Variants in ULK4 observed in about 807,000 individuals in gnomAD.
ULK4 encodes inactive serine/threonine-protein kinase ULK4.
ULK4 carries 133 observed loss-of-function variants against 160.6 expected under a neutral mutation model. That is an observed-to-expected ratio of 0.83 (90% confidence interval 0.72 to 0.96). The LOEUF is 0.96. ULK4 is among the 40% of genes least tolerant of loss of function. The pLI, the probability that ULK4 is intolerant of heterozygous loss-of-function variation, is 0.00. For missense variants in ULK4, 1,580 were observed against 1,499.5 expected (o/e 1.05, Z -0.89); for synonymous variants, 534 against 539.8 (o/e 0.99, Z 0.15).
chr3:41,567,448 T>G (rs1443238280), intron 31 of ULK4, among the ~76,000 whole-genome samples: 2 of 138,858 alleles, frequency 1.4e-5, no homozygotes, highest in Non-Finnish European at 3.1e-5. Flanking sequence ...AACAGATTTT[T>G]TTTTTTTTTT....
At chr3:41,578,589 A>C (rs1273305216) in intron 31 of ULK4, among the ~76,000 whole-genome samples, 1 of 152,210 alleles carries the variant, frequency 6.6e-6, no homozygotes, top group Non-Finnish European at 1.5e-5. Flanking sequence ...TGAAATTAGA[A>C]GAAACTCTAG....
chr3:41,363,280 G>A (rs1311112616), intron 35 of ULK4, among the ~76,000 whole-genome samples: 1 of 152,236 alleles, frequency 6.6e-6, no homozygotes, highest in Non-Finnish European at 1.5e-5. Flanking sequence ...ACAGGGAAGG[G>A]TCAAGACTTT....
At chr3:41,694,529 C>T (rs1476088207) in intron 27 of ULK4, among the ~76,000 whole-genome samples, 2 of 152,112 alleles carry the variant, frequency 1.3e-5, no homozygotes, top group Non-Finnish European at 2.9e-5. Flanking sequence ...GATGAGAAGT[C>T]TAGGTTCACA....
intron 17 of ULK4, among the ~76,000 whole-genome samples, chr3:41,881,284 T>TAAAAAAAAA (rs58977381): frequency 4.8e-5 from 6 of 126,272 alleles, no homozygotes; most frequent in African/African-American, 1.8e-4. Flanking sequence ...CAGAAACTTC[T>TAAAAAAAAA]AAAAAAAAAA....
chr3:41,478,439 C>A (rs145566398), intron 32 of ULK4, among the ~76,000 whole-genome samples: 2,032 of 152,240 alleles, frequency 0.013, 24 homozygotes, highest in Non-Finnish European at 0.019. Flanking sequence ...TAAACCAGCC[C>A]AGCTCCCTTC....
At chr3:41,553,318 C>G (rs1335308848) in intron 32 of ULK4, among the ~76,000 whole-genome samples, 5 of 151,948 alleles carry the variant, frequency 3.3e-5, no homozygotes, top group African/African-American at 1.2e-4. Context: ...GAAGAGACCA[C>G]TTTTTGAATG....
At chr3:41,940,018 T>C (rs969712541) in intron 2 of ULK4, among the ~76,000 whole-genome samples, 2 of 151,802 alleles carry the variant, frequency 1.3e-5, no homozygotes, top group Non-Finnish European at 2.9e-5. Context: ...ACCGGTGCCA[T>C]AGTTTTTGTT....
intron 35 of ULK4, among the ~76,000 whole-genome samples, chr3:41,346,973 A>C (rs2080812940): frequency 6.6e-6 from 1 of 152,186 alleles, no homozygotes; most frequent in African/African-American, 2.4e-5. Context: ...AATCTACAAT[A>C]CATGGAGTCA....
chr3:41,755,121 C>T (rs1009019959), intron 21 of ULK4, among the ~76,000 whole-genome samples: 3 of 152,132 alleles, frequency 2.0e-5, no homozygotes, highest in Non-Finnish European at 4.4e-5. Flanking sequence ...AAAACAGACA[C>T]ACATACACAC....
intron 30 of ULK4, among the ~76,000 whole-genome samples, chr3:41,657,895 T>C (rs1160341684): frequency 6.6e-6 from 1 of 150,548 alleles, no homozygotes; most frequent in East Asian, 1.9e-4. Flanking sequence ...GTTGCCATTT[T>C]AGGCACTTGC....
At chr3:41,438,179 A>G (rs2083079431) in intron 34 of ULK4, among the ~76,000 whole-genome samples, 1 of 151,110 alleles carries the variant, frequency 6.6e-6, no homozygotes, top group Non-Finnish European at 1.5e-5. Flanking sequence ...ATAATTATCG[A>G]GAAATACCCT....
chr3:41,586,454 A>G (rs2030808662), intron 31 of ULK4, among the ~76,000 whole-genome samples: 1 of 152,206 alleles, frequency 6.6e-6, no homozygotes, highest in African/African-American at 2.4e-5. Context: ...AAAATCCTAG[A>G]AACAGAAAGT....
intron 21 of ULK4, among the ~76,000 whole-genome samples, chr3:41,773,801 A>T (rs963703431): frequency 1.3e-5 from 2 of 152,190 alleles, no homozygotes; most frequent in Admixed American, 6.5e-5. Flanking sequence ...TGGAGGCATC[A>T]CGCTACCTGA....
At chr3:41,607,396 A>C (rs1251357731) in intron 31 of ULK4, among the ~76,000 whole-genome samples, 1 of 152,168 alleles carries the variant, frequency 6.6e-6, no homozygotes, top group Non-Finnish European at 1.5e-5. Flanking sequence ...GAGCAAAAAC[A>C]ATGATAAATT....
chr3:41,283,921 G>A (rs993612004), intron 35 of ULK4, among the ~76,000 whole-genome samples: 2 of 151,804 alleles, frequency 1.3e-5, no homozygotes, highest in African/African-American at 2.4e-5. Flanking sequence ...GTGACCAAGC[G>A]GAGAATCAAA....
Position 41,883,884 on chromosome 3 carries a change from G to A in ULK4, c.1646C>T (p.Pro549Leu), listed in dbSNP as rs1300266787. 6.2e-6 allele frequency: 10 copies of A among 1,605,062 alleles called. No individual in the cohort carries two copies. The highest frequency in any genetic ancestry group is 1.1e-5 in the South Asian group (1 of 90,856). Residue 549 changes from proline (P) to leucine (L), a missense_variant, in exon 17 of 37, where the codon CCT becomes CTT. Physicochemically the swap from Pro to Leu is moderately conservative, Grantham distance 98. Transcript: ENST00000301831. ...AATAAAAGACATTACCTCAACAACA[G>A]GTGTATTTTCCTGGAGCTCAGCTGT... ...SHTAELQENT[P>L]VVEAIVLLTE...
intron 30 of ULK4, among the ~76,000 whole-genome samples, chr3:41,660,822 C>G (rs190290554): frequency 2.9e-4 from 44 of 152,140 alleles, no homozygotes; most frequent in African/African-American, 8.2e-4. Context: ...AGAAAGAGCT[C>G]ACAAATAAGA....
At chr3:41,287,722 C>G (rs1287546390) in intron 35 of ULK4, among the ~76,000 whole-genome samples, 2 of 152,190 alleles carry the variant, frequency 1.3e-5, no homozygotes, top group Non-Finnish European at 2.9e-5. Context: ...TTCCTCTCAA[C>G]CAAGTACTCA....
Position 41,873,872 on chromosome 3 carries a change from G to T in ULK4, c.1656+10002C>A, listed in dbSNP as rs540860551. Among the ~76,000 whole-genome samples the T allele has an allele frequency of 7.2e-4, 107 of 148,492 alleles. 1 individual carries two copies. In the East Asian group the frequency reaches 0.017, roughly 24 times the overall value. On this transcript the variant is annotated intron_variant, in intron 17 of 36. Coordinates refer to ENST00000301831, the MANE Select transcript of ULK4 (RefSeq NM_017886.4). ...CCCGCCCTCTAGGTTTGTTTTTGTG[G>T]TTTTTTTTGTTTTTTTTTTTTGATG...
Sources: gnomAD v4.1 joint callset for allele counts (sites outside exome capture counted in the v4.1 genomes callset) on GRCh38, gnomAD v4.1.1 for gene constraint, MANE v1.5 for transcripts, NCBI Gene and HGNC (gene_info 2026-07-23, HGNC 2026-07-21) for gene names.